MAN1A1: variants seen among roughly 807,000 people sequenced by gnomAD.
The protein encoded by MAN1A1 is mannosyl-oligosaccharide 1,2-alpha-mannosidase IA.
In MAN1A1, 29 loss-of-function variants were observed where a neutral mutation model predicts 70.8. The observed-to-expected ratio is 0.41, with a 90% CI of 0.31 to 0.56. MAN1A1 has a LOEUF of 0.56. MAN1A1 is among the 20% of genes least tolerant of loss of function. The pLI is 0.29. For synonymous variants in MAN1A1, 349 were observed against 330.1 expected (o/e 1.06, Z -0.62); for missense variants, 747 against 841.3 (o/e 0.89, Z 1.39).
chr6:119,190,905 C>T (rs527721135), intron 9 of MAN1A1, among the ~76,000 whole-genome samples: 11 of 152,206 alleles, frequency 7.2e-5, no homozygotes, highest in African/African-American at 2.4e-4. Context: ...ACAATTACTT[C>T]ATGGAAGGAA....
At chr6:119,254,981 C>T (rs184889476) in intron 5 of MAN1A1, among the ~76,000 whole-genome samples, 186 of 152,206 alleles carry the variant, frequency 1.2e-3, no homozygotes, top group South Asian at 1.4e-3. Context: ...TTTTGATCAA[C>T]GTTTTAAAAA....
At chr6:119,279,148 C>G (rs1346378543) in intron 5 of MAN1A1, among the ~76,000 whole-genome samples, 1 of 152,076 alleles carries the variant, frequency 6.6e-6, no homozygotes, top group East Asian at 1.9e-4. Context: ...TTCATACATC[C>G]CACCATATAG....
intron 6 of MAN1A1, among the ~76,000 whole-genome samples, chr6:119,241,794 C>G (rs916719650): frequency 6.6e-6 from 1 of 152,030 alleles, no homozygotes; most frequent in Non-Finnish European, 1.5e-5. Context: ...TTGACCCTAG[C>G]TGAATATTAG....
chr6:119,241,576 C>A (rs1775004128), intron 6 of MAN1A1, among the ~76,000 whole-genome samples: 1 of 152,116 alleles, frequency 6.6e-6, no homozygotes, highest in African/African-American at 2.4e-5. Context: ...TCTCTCCTGG[C>A]AATTGTTATA....
chr6:119,233,566 C>A (rs1415794967), intron 6 of MAN1A1, among the ~76,000 whole-genome samples: 1 of 152,218 alleles, frequency 6.6e-6, no homozygotes, highest in African/African-American at 2.4e-5. Flanking sequence ...TTGTTTATGG[C>A]AGCAGCCTTT....
At chr6:119,347,947 C>T (rs1000069482) in intron 2 of MAN1A1, among the ~76,000 whole-genome samples, 16 of 152,208 alleles carry the variant, frequency 1.1e-4, no homozygotes, top group African/African-American at 3.6e-4. Context: ...TAGTATCCCT[C>T]GATGATGGGA....
chr6:119,212,101 A>G (rs6569056), intron 6 of MAN1A1, among the ~76,000 whole-genome samples: 55,940 of 151,020 alleles, frequency 0.37, 10,863 homozygotes, highest in African/African-American at 0.4. Context: ...CAGCCTCCCA[A>G]AGTGCTGGGA....
chr6:119,227,575 T>C (rs1373284842), intron 6 of MAN1A1, among the ~76,000 whole-genome samples: 1 of 152,160 alleles, frequency 6.6e-6, no homozygotes, highest in Admixed American at 6.5e-5. Flanking sequence ...CCTCAAACAA[T>C]TCTCCTGCCT....
Position 119,204,795 on chromosome 6 carries a change from C to A in MAN1A1, c.1080G>T (p.Leu360Phe). 1 of 1,613,954 alleles carries A rather than the reference C, an allele frequency of 6.2e-7. No homozygotes were observed. The highest frequency in any genetic ancestry group is 8.5e-7 in the Non-Finnish European group (1 of 1,179,884). ...AGATGGGGTTTCCTGATAAGTGGCT[C>A]AAGTGCATAAACTCCAAATGCAGGG... Reference protein sequence around the residue: ...FGTLHLEFMHLSHLSGNPIFA... With the variant: ...FGTLHLEFMHFSHLSGNPIFA... The change falls in exon 7 of 13, where the codon TTG (leucine) becomes TTT (phenylalanine). Residue 360 changes from leucine (L) to phenylalanine (F), a missense_variant. Physicochemically the swap from Leu to Phe is conservative, Grantham distance 22. Coordinates refer to ENST00000368468, the MANE Select transcript of MAN1A1 (RefSeq NM_005907.4).
At chr6:119,264,475 C>G (rs937596708) in intron 5 of MAN1A1, among the ~76,000 whole-genome samples, 2 of 152,188 alleles carry the variant, frequency 1.3e-5, no homozygotes, top group African/African-American at 4.8e-5. Context: ...CCTGAATGTG[C>G]AGTTTAACAA....
chr6:119,185,232 T>C (rs190425128), intron 11 of MAN1A1, among the ~76,000 whole-genome samples: 1 of 152,218 alleles, frequency 6.6e-6, no homozygotes, highest in Admixed American at 6.5e-5. Flanking sequence ...ATCAGTTAAA[T>C]ATTATTTCTG....
intron 2 of MAN1A1, among the ~76,000 whole-genome samples, chr6:119,329,673 G>A (rs1048266702): frequency 6.6e-6 from 1 of 152,160 alleles, no homozygotes; most frequent in African/African-American, 2.4e-5. Flanking sequence ...CTCCAACTGT[G>A]TGCTCAGCAG....
intron 6 of MAN1A1, among the ~76,000 whole-genome samples, chr6:119,214,255 T>A (rs7774746): frequency 6.6e-6 from 1 of 152,096 alleles, no homozygotes; most frequent in Middle Eastern, 3.2e-3. Flanking sequence ...TGAGCCACTG[T>A]GCCCAGCCCT....
chr6:119,295,786 G>C lies in MAN1A1; in HGVS notation c.817-5023C>G, dbSNP rs114745287. On this transcript the variant is annotated intron_variant, in intron 4 of 12. Coordinates refer to ENST00000368468, the MANE Select transcript of MAN1A1 (RefSeq NM_005907.4). Reference sequence around the variant, plus strand: ...TAGTGAATTATGAGCCTGGGGTACGGGACTATTATCATACATGAGAATCAA... The same window carrying C: ...TAGTGAATTATGAGCCTGGGGTACGCGACTATTATCATACATGAGAATCAA... Among the ~76,000 whole-genome samples the C allele has an allele frequency of 6.2e-3, 950 of 152,142 alleles. 6 individuals carry two copies. Among genetic ancestry groups the C allele is most frequent in the African/African-American group, 0.022 (899 of 41,522 alleles).
chr6:119,344,824 C>T (rs564481861), intron 2 of MAN1A1, among the ~76,000 whole-genome samples: 2 of 152,256 alleles, frequency 1.3e-5, no homozygotes, highest in Admixed American at 6.5e-5. Flanking sequence ...AACTACTAGC[C>T]ATCAATATGA....
At chr6:119,272,140 G>C (rs1775942008) in intron 5 of MAN1A1, among the ~76,000 whole-genome samples, 1 of 152,102 alleles carries the variant, frequency 6.6e-6, no homozygotes, top group South Asian at 2.1e-4. Flanking sequence ...TCTTATATTT[G>C]CTTTGGATAA....
chr6:119,348,809 T>C lies in MAN1A1; in HGVS notation c.257A>G (p.His86Arg), dbSNP rs887118607. The change falls in exon 2 of 13, where the codon CAC becomes CGC. Residue 86 changes from histidine to arginine, a missense_variant. Physicochemically the swap from His to Arg is conservative, Grantham distance 29. Coordinates refer to ENST00000368468, the MANE Select transcript of MAN1A1 (RefSeq NM_005907.4). ...SSPALQPAADHKPGPGARAED... is the reference protein window; with the variant it reads ...SSPALQPAADRKPGPGARAED... ...GGCGCGCGCCCCGGGCCCGGGCTTG[T>C]GGTCGGCGGCCGGCTGCAAGGCGGG... 6.2e-6 allele frequency: 9 copies of C among 1,449,738 alleles called. No individual in the cohort carries two copies. In the Admixed American group the frequency reaches 2.3e-4, roughly 37 times the overall value. 89.8% of individuals were successfully genotyped at this position (1,449,738 alleles called of 1,614,324 possible).
intron 6 of MAN1A1, among the ~76,000 whole-genome samples, chr6:119,234,549 G>C (rs1774786893): frequency 6.6e-6 from 1 of 151,970 alleles, no homozygotes; most frequent in Non-Finnish European, 1.5e-5. Flanking sequence ...GAGTAGCTGA[G>C]ACTACAGGCA....
rs1239023865 is a variant in MAN1A1, at chr6:119,198,512, T to G, written c.1210+2742A>C. ...AGAAATGGACACCCCAAATAATTTATGTAAATAATACCTATATTTACTACA... is the reference window on the plus strand; with the variant it reads ...AGAAATGGACACCCCAAATAATTTAGGTAAATAATACCTATATTTACTACA... On this transcript the variant is annotated intron_variant, in intron 8 of 12. Coordinates refer to ENST00000368468, the MANE Select transcript of MAN1A1 (RefSeq NM_005907.4). 2.6e-5 allele frequency among the ~76,000 whole-genome samples: 4 copies of G among 152,370 alleles called. No homozygotes were observed. The East Asian group carries it at 7.7e-4, about 29-fold the overall frequency.
Sources: gnomAD v4.1 joint callset for allele counts (sites outside exome capture counted in the v4.1 genomes callset) on GRCh38, gnomAD v4.1.1 for gene constraint, MANE v1.5 for transcripts, NCBI Gene and HGNC (gene_info 2026-07-23, HGNC 2026-07-21) for gene names.